The following SLC39A12 variants were observed in gnomAD, a reference collection of about 807,000 sequenced individuals.
SLC39A12 encodes solute carrier family 39 member 12.
Under a neutral mutation model 71.1 loss-of-function variants are expected in SLC39A12, and 63 were observed. That is an observed-to-expected ratio of 0.89 (90% CI 0.72 to 1.09). The LOEUF (loss-of-function observed/expected upper bound fraction) is 1.09. SLC39A12 is among the 50% of genes least tolerant of loss of function. The pLI, the probability that SLC39A12 is intolerant of heterozygous loss-of-function variation, is 0.00. For synonymous variants in SLC39A12, 351 were observed against 301.3 expected (o/e 1.16, Z -1.71); for missense variants, 892 against 812.6 (o/e 1.10, Z -1.19).
At chr10:17,989,824 A>C (rs997851652) in intron 7 of SLC39A12, among the ~76,000 whole-genome samples, 2 of 152,086 alleles carry the variant, frequency 1.3e-5, no homozygotes, top group African/African-American at 4.8e-5. Flanking sequence ...AGGCTGAGGC[A>C]GGAGAATCGC....
intron 12 of SLC39A12, among the ~76,000 whole-genome samples, chr10:18,027,068 C>T (rs1836699023): frequency 6.6e-6 from 1 of 152,034 alleles, no homozygotes; most frequent in African/African-American, 2.4e-5. Context: ...TTTAATATGT[C>T]TTGTAATTTG....
chr10:17,986,733 GCTGTGGCTTATGCCTGTAATCCCAT>G (rs1176951195), intron 6 of SLC39A12, among the ~76,000 whole-genome samples: 1 of 152,220 alleles, frequency 6.6e-6, no homozygotes, highest in African/African-American at 2.4e-5. Context: ...AAGACTGGGT[GCTGTGGCTTATGCCTGTAATCCCAT>G]CACTTTGGGA....
intron 12 of SLC39A12, among the ~76,000 whole-genome samples, chr10:18,011,733 T>C (rs1318491815): frequency 6.6e-6 from 1 of 152,234 alleles, no homozygotes; most frequent in African/African-American, 2.4e-5. Flanking sequence ...TTAAAGCAGG[T>C]AACATCTTAG....
chr10:18,030,441 A>G (rs1011013902), intron 12 of SLC39A12, among the ~76,000 whole-genome samples: 6 of 151,566 alleles, frequency 4.0e-5, no homozygotes, highest in South Asian at 4.2e-4. Flanking sequence ...GGGTTTCACC[A>G]TGTTAGCCAG....
chr10:18,030,062 A>G (rs1378645827), intron 12 of SLC39A12, among the ~76,000 whole-genome samples: 4 of 150,648 alleles, frequency 2.7e-5, no homozygotes, highest in Admixed American at 2.7e-4. Flanking sequence ...TAATCATACT[A>G]AAAAGAGCCA....
At chr10:17,964,197 A>C (rs1320486326) in intron 3 of SLC39A12, among the ~76,000 whole-genome samples, 2 of 152,144 alleles carry the variant, frequency 1.3e-5, no homozygotes, top group Non-Finnish European at 2.9e-5. Context: ...TGCACGAAAC[A>C]CTCATGCTTC....
intron 8 of SLC39A12, 135 bp downstream of exon 8, chr10:17,991,438 T>C: frequency 1.7e-6 from 1 of 602,770 alleles, no homozygotes; most frequent in Non-Finnish European, 2.7e-6. Flanking sequence ...ATTTCAAGAA[T>C]ACACAGCTCC....
chr10:18,024,270 C>A (rs919947372), intron 12 of SLC39A12, among the ~76,000 whole-genome samples: 13 of 152,152 alleles, frequency 8.5e-5, no homozygotes, highest in South Asian at 4.2e-4. Context: ...CCATGGTGTT[C>A]AGGAATCCAA....
intron 12 of SLC39A12, among the ~76,000 whole-genome samples, chr10:18,037,169 C>A (rs11012314): frequency 0.097 from 14,799 of 151,962 alleles, 1,106 homozygotes; most frequent in East Asian, 0.21. Context: ...TGTTTGGTAT[C>A]TTTTGCCTGA....
rs920241956 is a variant in SLC39A12, at chr10:17,962,355, T to C, written c.543+493T>C. On this transcript the variant is annotated intron_variant, in intron 3 of 12. Transcript: ENST00000377369. ...GCCAGCCCTAGATGATATCCCTTTG[T>C]GGTTTTGAATTGTGCTGCCTGTGTA... Among the ~76,000 whole-genome samples the C allele has an allele frequency of 4.6e-5, 7 of 152,358 alleles. No homozygotes were observed. The East Asian group carries it at 1.2e-3, about 25-fold the overall frequency.
intron 12 of SLC39A12, among the ~76,000 whole-genome samples, chr10:18,024,526 T>A (rs1007444948): frequency 6.6e-6 from 1 of 152,112 alleles, no homozygotes; most frequent in African/African-American, 2.4e-5. Flanking sequence ...TCTTCTCCAC[T>A]CTCCATGGGT....
At chr10:17,958,293 T>C (rs1316729246) in intron 2 of SLC39A12, among the ~76,000 whole-genome samples, 3 of 152,158 alleles carry the variant, frequency 2.0e-5, no homozygotes, top group African/African-American at 7.2e-5. Context: ...CATGGCCCCA[T>C]GAGCGTCCTA....
chr10:18,017,975 A>G (rs1412800015), intron 12 of SLC39A12, among the ~76,000 whole-genome samples: 1 of 152,208 alleles, frequency 6.6e-6, no homozygotes, highest in Admixed American at 6.5e-5. Flanking sequence ...CAAATTGGAA[A>G]TAACTGACAT....
At chr10:18,030,716 G>C (rs1472744190) in intron 12 of SLC39A12, among the ~76,000 whole-genome samples, 1 of 150,100 alleles carries the variant, frequency 6.7e-6, no homozygotes, top group African/African-American at 2.5e-5. Flanking sequence ...ATGTATACAT[G>C]TGCCATGCTG....
chr10:18,004,622 A>G (rs1835956817), intron 12 of SLC39A12, among the ~76,000 whole-genome samples: 3 of 152,210 alleles, frequency 2.0e-5, no homozygotes, highest in Admixed American at 1.3e-4. Context: ...GGTAAACACC[A>G]AATGTCCTTC....
intron 8 of SLC39A12, among the ~76,000 whole-genome samples, chr10:17,992,032 T>A (rs1589235505): frequency 1.5e-5 from 2 of 132,532 alleles, no homozygotes; most frequent in South Asian, 4.5e-4. Flanking sequence ...GAGGTTGCAG[T>A]GAGCCGAGAT....
At chr10:17,987,755 G>A (rs1439159027) in intron 7 of SLC39A12, 104 bp downstream of exon 7, 17 of 1,169,744 alleles carry the variant, frequency 1.5e-5, no homozygotes, top group Non-Finnish European at 1.6e-5. Context: ...CAAAGAGAGA[G>A]TATCGTGGCT....
At chr10:18,015,321 A>T (rs914661647) in intron 12 of SLC39A12, among the ~76,000 whole-genome samples, 1 of 152,212 alleles carries the variant, frequency 6.6e-6, no homozygotes, top group African/African-American at 2.4e-5. Flanking sequence ...AAAAGACTCT[A>T]AAAAATTGAG....
chr10:17,998,062 G>C (rs1043574342), intron 10 of SLC39A12, among the ~76,000 whole-genome samples: 20 of 152,300 alleles, frequency 1.3e-4, no homozygotes, highest in African/African-American at 4.6e-4. Context: ...ACAGTGGGAC[G>C]ATCTTGGTTC....
Sources: gnomAD v4.1 joint callset for allele counts (sites outside exome capture counted in the v4.1 genomes callset) on GRCh38, gnomAD v4.1.1 for gene constraint, MANE v1.5 for transcripts, NCBI Gene and HGNC (gene_info 2026-07-23, HGNC 2026-07-21) for gene names.